Variants in IL1RAPL2 observed in about 807,000 individuals in gnomAD.
IL1RAPL2 encodes the protein interleukin 1 receptor accessory protein like 2.
In IL1RAPL2, 3 loss-of-function variants were observed where a neutral mutation model predicts 44.1. The observed-to-expected ratio is 0.07, with a 90% confidence interval of 0.03 to 0.18. The LOEUF is 0.18. Ranked by LOEUF, IL1RAPL2 falls within the 10% of genes least tolerant of loss-of-function variation. IL1RAPL2 has a pLI of 1.00. For synonymous variants in IL1RAPL2, 181 were observed against 178.8 expected (o/e 1.01, Z -0.10); for missense variants, 391 against 496.4 (o/e 0.79, Z 2.02).
chrX:104,785,411 T>C (rs1279342011), intron 2 of IL1RAPL2, among the ~76,000 whole-genome samples: 1 of 111,666 alleles, frequency 9.0e-6, no homozygotes, highest in Non-Finnish European at 1.9e-5. Flanking sequence ...AGGCAGGCCA[T>C]TTTTGCTTCA....
intron 2 of IL1RAPL2, among the ~76,000 whole-genome samples, chrX:104,846,265 T>C (rs1023631030): frequency 9.0e-6 from 1 of 110,744 alleles, no homozygotes; most frequent in African/African-American, 3.3e-5. Flanking sequence ...GTTACATATG[T>C]ATACATGTGC....
In IL1RAPL2 at chrX:105,109,601, A is replaced by AG. The variant is rs1243507181; in HGVS notation, c.83-85870dup. On this transcript the variant is annotated intron_variant, in intron 2 of 10. Transcript: ENST00000372582. ...TTCATGGTTGCCAGGTGCTGAGAAG[A>AG]GGGGAAAATGAGAAGTGACTGTCAA... Among the ~76,000 whole-genome samples the AG allele has an allele frequency of 3.6e-5, 4 of 111,962 alleles. No homozygotes were observed. In the Admixed American group the frequency reaches 3.8e-4, roughly 11 times the overall value.
In IL1RAPL2 at chrX:105,111,165, T is replaced by C. The variant is rs923738098; in HGVS notation, c.83-84310T>C. On this transcript the variant is annotated intron_variant, in intron 2 of 10. Coordinates refer to ENST00000372582, the MANE Select transcript of IL1RAPL2 (RefSeq NM_017416.2). ...CCCGCCTGTAATACCAGCACTGTGG[T>C]TAGAATGTAACAAAAATTGCAGGAA... is the stretch of plus-strand genomic sequence containing the variant. Among the ~76,000 whole-genome samples the C allele has an allele frequency of 7.2e-5, 8 of 111,398 alleles. No homozygotes were observed. The East Asian group carries it at 1.7e-3, about 23-fold the overall frequency.
At chrX:105,317,997 A>G (rs1395523065) in intron 5 of IL1RAPL2, among the ~76,000 whole-genome samples, 37 of 106,617 alleles carry the variant, frequency 3.5e-4, no homozygotes, top group African/African-American at 1.2e-3. Flanking sequence ...TTTAAAGACG[A>G]AGTCTCGCTC....
At chrX:105,265,377 C>T (rs2034393986) in intron 4 of IL1RAPL2, among the ~76,000 whole-genome samples, 1 of 112,031 alleles carries the variant, frequency 8.9e-6, no homozygotes, top group African/African-American at 3.2e-5. Context: ...TGTATGACGG[C>T]AGTGGCAGCT....
At chrX:105,527,190 G>A (rs1006638165) in intron 6 of IL1RAPL2, among the ~76,000 whole-genome samples, 2 of 111,097 alleles carry the variant, frequency 1.8e-5, no homozygotes, top group South Asian at 7.6e-4. Flanking sequence ...TCTAGAGTGA[G>A]TTGTAAGAAT....
At position 105,310,403 on chromosome X, in the gene IL1RAPL2, G is replaced by C. The variant is rs760442561; in HGVS notation, c.697+42862G>C. On this transcript the variant is annotated intron_variant, in intron 5 of 10. Coordinates refer to ENST00000372582, the MANE Select transcript of IL1RAPL2 (RefSeq NM_017416.2). ...ATTATCAATTTTAATGATCTTTTCG[G>C]ATAGTCAACTGCTGGACTGAATTGA... Among the ~76,000 whole-genome samples, 24 of 110,757 alleles carry C rather than the reference G, an allele frequency of 2.2e-4. 1 individual carries two copies. In the South Asian group the frequency reaches 8.7e-3, roughly 40 times the overall value.
chrX:105,512,367 T>C (rs967701183), intron 6 of IL1RAPL2, among the ~76,000 whole-genome samples: 2 of 111,259 alleles, frequency 1.8e-5, no homozygotes, highest in Admixed American at 9.6e-5. Context: ...GAAACCTTTT[T>C]CTATATCTTT....
chrX:105,215,390 C>A (rs1174580189), intron 3 of IL1RAPL2, among the ~76,000 whole-genome samples: 2 of 111,738 alleles, frequency 1.8e-5, no homozygotes, highest in Admixed American at 9.5e-5. Context: ...GACACATACA[C>A]CCTCCCAAGA....
chrX:105,350,579 C>T (rs925076008), intron 5 of IL1RAPL2, among the ~76,000 whole-genome samples: 9 of 110,906 alleles, frequency 8.1e-5, no homozygotes, highest in Admixed American at 4.8e-4. Flanking sequence ...CAAAATTAGC[C>T]GGGCATGGTG....
chrX:105,327,262 G>A (rs935609817), intron 5 of IL1RAPL2, among the ~76,000 whole-genome samples: 8 of 111,711 alleles, frequency 7.2e-5, no homozygotes, highest in Non-Finnish European at 1.5e-4. Context: ...AGAGCCTTTC[G>A]TCAGTTACAT....
rs372546445 is a variant in IL1RAPL2 at position 104,932,224 on chromosome X, G to T, written c.83-263251G>T. Among the ~76,000 whole-genome samples the T allele has an allele frequency of 4.1e-4, 45 of 108,981 alleles. No homozygotes were observed. In the East Asian group the frequency reaches 7.6e-3, roughly 18 times the overall value. The allele number at this position is 108,981 out of a possible 115,157, so 94.6% of individuals were successfully genotyped here. A position where few individuals can be genotyped will look rare whatever the true frequency, so the allele number is the denominator to read the frequency against. On this transcript the variant is annotated intron_variant, in intron 2 of 10. Transcript: ENST00000372582. ...ATGTTGGCCAGGCTGGTCTCGAACT[G>T]CTGACCTCAGGAGATCCATCCCCCT...
chrX:105,750,989 G>T (rs544858527), intron 9 of IL1RAPL2, among the ~76,000 whole-genome samples: 1 of 111,315 alleles, frequency 9.0e-6, no homozygotes, highest in Non-Finnish European at 1.9e-5. Context: ...AACATAAAAG[G>T]GGCCAGGCAC....
intron 2 of IL1RAPL2, among the ~76,000 whole-genome samples, chrX:105,116,472 G>T (rs974095342): frequency 9.6e-6 from 1 of 104,059 alleles, no homozygotes; most frequent in East Asian, 2.8e-4. Flanking sequence ...ATTGTGTCCT[G>T]CATTTTTTTT....
At chrX:104,873,294 C>T (rs998925229) in intron 2 of IL1RAPL2, among the ~76,000 whole-genome samples, 1 of 111,115 alleles carries the variant, frequency 9.0e-6, no homozygotes, top group Non-Finnish European at 1.9e-5. Context: ...TGAGTTACCT[C>T]CAAAAAAGCC....
rs190894547 is a variant in IL1RAPL2, at chrX:105,718,017, C to T, written c.902+521C>T. On this transcript the variant is annotated intron_variant, in intron 7 of 10. Coordinates refer to ENST00000372582, the MANE Select transcript of IL1RAPL2 (RefSeq NM_017416.2). The stretch of plus-strand genomic sequence containing the variant: ...ACATGTTTAGACCTCTTTTCACTCT[C>T]CTGTTACACAAATAATTCTCTGGTT... Among the ~76,000 whole-genome samples the T allele has an allele frequency of 6.1e-3, 681 of 112,251 alleles. 1 individual carries two copies. Among genetic ancestry groups the T allele is most frequent in the Middle Eastern group, 0.018 (4 of 217 alleles).
At chrX:104,902,050 A>C (rs979139315) in intron 2 of IL1RAPL2, among the ~76,000 whole-genome samples, 1 of 112,191 alleles carries the variant, frequency 8.9e-6, no homozygotes, top group Non-Finnish European at 1.9e-5. Context: ...AACAGTTATT[A>C]GCTGTTTGTT....
intron 2 of IL1RAPL2, among the ~76,000 whole-genome samples, chrX:104,681,666 T>C (rs1930893375): frequency 8.9e-6 from 1 of 112,856 alleles, no homozygotes; most frequent in Non-Finnish European, 1.9e-5. Context: ...ATGTCCTGTG[T>C]AGGTTAGAGA....
At chrX:105,204,087 A>G (rs1556149063) in intron 3 of IL1RAPL2, among the ~76,000 whole-genome samples, 1 of 111,621 alleles carries the variant, frequency 9.0e-6, no homozygotes, top group Non-Finnish European at 1.9e-5. Flanking sequence ...ATCTTAAAGT[A>G]GGACTGCAGC....
Sources: gnomAD v4.1 joint callset for allele counts (sites outside exome capture counted in the v4.1 genomes callset) on GRCh38, gnomAD v4.1.1 for gene constraint, MANE v1.5 for transcripts, NCBI Gene and HGNC (gene_info 2026-07-23, HGNC 2026-07-21) for gene names.